The following PATL1 variants were observed in gnomAD, a reference collection of about 807,000 sequenced individuals.
The protein encoded by PATL1 is protein PAT1 homolog 1.
In PATL1, 32 loss-of-function variants were observed where a neutral mutation model predicts 100.6. The ratio of observed to expected loss-of-function variants is 0.32; its 90% confidence interval spans 0.24 to 0.43. The LOEUF (loss-of-function observed/expected upper bound fraction) is 0.43. Ranked by LOEUF, PATL1 falls within the 20% of genes least tolerant of loss-of-function variation. The pLI, the probability that PATL1 is intolerant of heterozygous loss-of-function variation, is 1.00. For missense variants in PATL1, 747 were observed against 949.9 expected, an observed-to-expected ratio of 0.79 and a Z score of 2.81; for synonymous variants, 332 against 330.0, an observed-to-expected ratio of 1.01 and a Z score of -0.07.
intron 12 of PATL1, among the ~76,000 whole-genome samples, chr11:59,651,132 TG>T (rs1861438421): frequency 2.0e-5 from 3 of 152,204 alleles, no homozygotes; most frequent in Non-Finnish European, 2.9e-5. Flanking sequence ...ATAGGGTACA[TG>T]TGTTTGTTAC....
rs1165474585 is a variant in PATL1 at position 59,638,487 on chromosome 11, C to A, written c.2292-76G>T. 3 of 1,323,766 alleles carry A rather than the reference C, an allele frequency of 2.3e-6. No homozygotes were observed. The Admixed American group carries it at 5.7e-5, about 25-fold the overall frequency. 82.0% of individuals were successfully genotyped at this position (1,323,766 alleles called of 1,614,324 possible). On this transcript the variant is annotated intron_variant, in intron 18 of 18. Coordinates refer to ENST00000300146, the MANE Select transcript of PATL1 (RefSeq NM_152716.3). ...AAGGCAATCTTTCATATTACAGTTACATCTTTGTAAGACTTCTCATAACAA... is the reference window on the plus strand; with the variant it reads ...AAGGCAATCTTTCATATTACAGTTAAATCTTTGTAAGACTTCTCATAACAA...
intron 9 of PATL1, among the ~76,000 whole-genome samples, 168 bp from the exon 10 acceptor site, chr11:59,653,186 G>C (rs1200411883): frequency 1.3e-5 from 2 of 151,548 alleles, no homozygotes; most frequent in Non-Finnish European, 2.9e-5. Context: ...TAAGAGGAAA[G>C]AGCTATGTAA....
At chr11:59,650,867 T>C in intron 12 of PATL1, 54 bp from the exon 13 acceptor site, 2 of 1,241,582 alleles carry the variant, frequency 1.6e-6, no homozygotes, top group Non-Finnish European at 2.3e-6. Flanking sequence ...TAAAATAATT[T>C]ACCAAGTGCG....
At chr11:59,665,000 C>A (rs1370908599) in intron 2 of PATL1, among the ~76,000 whole-genome samples, 6 of 152,224 alleles carry the variant, frequency 3.9e-5, no homozygotes, top group Non-Finnish European at 8.8e-5. Flanking sequence ...ATAATAGCAT[C>A]TTGGATCATG....
intron 15 of PATL1, among the ~76,000 whole-genome samples, chr11:59,647,531 ATTG>A (rs1213680209): frequency 2.0e-5 from 3 of 152,196 alleles, no homozygotes; most frequent in Non-Finnish European, 4.4e-5. Flanking sequence ...GTAAGAGGGA[ATTG>A]TTGTTTTTCT....
chr11:59,646,278 A>AT (rs35277057), intron 15 of PATL1, among the ~76,000 whole-genome samples: 7,941 of 133,756 alleles, frequency 0.059, 301 homozygotes, highest in East Asian at 0.17. Flanking sequence ...CATTTGTGGA[A>AT]TTTTTTTTTT....
In PATL1 at chr11:59,636,818, A is replaced by C. The variant is rs1861198831; in HGVS notation, c.*1572T>G. 2 of 152,604 alleles carry C rather than the reference A, an allele frequency of 1.3e-5. No individual in the cohort carries two copies. The highest frequency in any genetic ancestry group is 6.5e-5 in the Admixed American group (1 of 15,270). The allele number at this position is 152,604 out of a possible 1,614,324, so 9.5% of individuals were successfully genotyped here. ...AGAACCAATCCAAACAAAAAAGATA[A>C]AGCACAGTAAGGAAGAGATAATAAT... is the stretch of plus-strand genomic sequence containing the variant. On this transcript the variant is annotated 3_prime_UTR_variant, in exon 19 of 19. Coordinates refer to ENST00000300146, the MANE Select transcript of PATL1 (RefSeq NM_152716.3).
At chr11:59,650,883 G>T in intron 12 of PATL1, 70 bp from the exon 13 acceptor site, 1 of 1,072,800 alleles carries the variant, frequency 9.3e-7, no homozygotes, top group Non-Finnish European at 1.3e-6. Flanking sequence ...GTGCGCATTT[G>T]TAGGTTCATT....
In PATL1 at chr11:59,637,741, T is replaced by C. The variant is rs1483106662; in HGVS notation, c.*649A>G. ...TTTATTAAACGTGCTGCATACTCTT[T>C]ATTTATGTTAAAACAAGTAGAACCC... On this transcript the variant is annotated 3_prime_UTR_variant, in exon 19 of 19. Coordinates refer to ENST00000300146, the MANE Select transcript of PATL1 (RefSeq NM_152716.3). The C allele has an allele frequency of 6.6e-6, 1 of 152,424 alleles. No homozygotes were observed. The highest frequency in any genetic ancestry group is 2.4e-5 in the African/African-American group (1 of 41,458). The allele number at this position is 152,424 out of a possible 1,614,324, so 9.4% of individuals were successfully genotyped here. A position where few individuals can be genotyped will look rare whatever the true frequency, so the allele number is the denominator to read the frequency against.
At chr11:59,664,061 T>C (rs2134761950) in intron 2 of PATL1, among the ~76,000 whole-genome samples, 1 of 152,312 alleles carries the variant, frequency 6.6e-6, no homozygotes, top group Middle Eastern at 3.4e-3. Flanking sequence ...GGAAATCTTT[T>C]CTCTATATTA....
chr11:59,638,933 T>C (rs962931318), intron 18 of PATL1, 115 bp downstream of exon 18: 11 of 1,189,994 alleles, frequency 9.2e-6, no homozygotes, highest in Middle Eastern at 4.1e-4. Flanking sequence ...TCCACCCTCC[T>C]GGGTGTCCTA....
intron 2 of PATL1, among the ~76,000 whole-genome samples, chr11:59,665,747 C>A (rs1861677551): frequency 6.6e-6 from 1 of 152,154 alleles, no homozygotes. Context: ...GATCATGCTA[C>A]TGCACTCCAG....
chr11:59,649,697 C>G, intron 13 of PATL1, 87 bp from the exon 14 acceptor site: 1 of 1,295,726 alleles, frequency 7.7e-7, no homozygotes, highest in Non-Finnish European at 1.0e-6. Flanking sequence ...GGACTACTAG[C>G]TAAAGACAAA....
In PATL1 at chr11:59,653,889, C is replaced by T. The variant is rs891242971; in HGVS notation, c.1121+94G>A. On this transcript the variant is annotated intron_variant, in intron 9 of 18. Coordinates refer to ENST00000300146, the MANE Select transcript of PATL1 (RefSeq NM_152716.3). ...GGTTTATGGATATGAAGTAAACTTA[C>T]TAAAAAAAACAAAACAACTAAATAG... 6 of 1,121,358 alleles carry T rather than the reference C, an allele frequency of 5.4e-6. No homozygotes were observed. The African/African-American group carries it at 7.8e-5, about 15-fold the overall frequency. The allele number at this position is 1,121,358 out of a possible 1,614,324, so 69.5% of individuals were successfully genotyped here. A position where few individuals can be genotyped will look rare whatever the true frequency, so the allele number is the denominator to read the frequency against.
At chr11:59,649,775 T>C (rs1241842984) in intron 13 of PATL1, among the ~76,000 whole-genome samples, 165 bp from the exon 14 acceptor site, 1 of 152,058 alleles carries the variant, frequency 6.6e-6, no homozygotes, top group Non-Finnish European at 1.5e-5. Flanking sequence ...ACTTAAAAAA[T>C]TCCTCAAACC....
intron 8 of PATL1, 77 bp downstream of exon 8, chr11:59,655,444 AAG>A: frequency 7.9e-7 from 1 of 1,260,110 alleles, no homozygotes; most frequent in Non-Finnish European, 1.1e-6. Flanking sequence ...AGCAAATATC[AAG>A]AGACTTATAA....
In PATL1 at chr11:59,637,663, G is replaced by GA. The variant is rs1861211532; in HGVS notation, c.*726dup. 3 of 152,294 alleles carry GA rather than the reference G, an allele frequency of 2.0e-5. No homozygotes were observed. The highest frequency in any genetic ancestry group is 2.0e-4 in the Admixed American group (3 of 15,276). The allele number at this position is 152,294 out of a possible 1,614,324, so 9.4% of individuals were successfully genotyped here. A position where few individuals can be genotyped will look rare whatever the true frequency, so the allele number is the denominator to read the frequency against. ...ACTAAGGAAATAAAGGTGGGAAGAA[G>GA]AAAAAGGACTTCTCAGCCTAGACCT... On this transcript the variant is annotated 3_prime_UTR_variant, in exon 19 of 19. Transcript: ENST00000300146.
intron 1 of PATL1, among the ~76,000 whole-genome samples, chr11:59,668,060 CCTT>C (rs1436205724): frequency 6.6e-6 from 1 of 152,248 alleles, no homozygotes; most frequent in Non-Finnish European, 1.5e-5. Flanking sequence ...GCCACTGCCT[CCTT>C]ATCAGAGGCA....
chr11:59,666,259 T>A (rs1861689120), intron 2 of PATL1, among the ~76,000 whole-genome samples: 1 of 151,998 alleles, frequency 6.6e-6, no homozygotes, highest in Non-Finnish European at 1.5e-5. Context: ...AAAGAATAAA[T>A]AAATAAATAA....
Sources: allele counts gnomAD v4.1 joint callset (sites outside exome capture counted in the v4.1 genomes callset), GRCh38; gene constraint gnomAD v4.1.1; transcripts MANE v1.5; gene names NCBI Gene and HGNC (gene_info 2026-07-23, HGNC 2026-07-21).